The following HIGD1C variants were observed in gnomAD, a reference collection of about 807,000 sequenced individuals.
HIGD1C encodes HIG1 hypoxia inducible domain family member 1C, also known as HIG1 domain family member 1C.
A neutral mutation model predicts 13.1 loss-of-function variants in HIGD1C; 11 were observed. That is an observed-to-expected ratio of 0.84 (90% CI 0.53 to 1.39). The LOEUF is 1.39. HIGD1C is among the 40% of genes most tolerant of loss of function. HIGD1C has a pLI of 0.00. For synonymous variants in HIGD1C, 36 were observed against 37.7 expected (o/e 0.95, Z 0.17); for missense variants, 110 against 112.0 (o/e 0.98, Z 0.08).
At chr12:50,945,946 T>C in the HIGD1C span, among the ~76,000 whole-genome samples, 4 of 152,030 alleles carry the variant, frequency 2.6e-5, no homozygotes, top group African/African-American at 4.8e-5. Flanking sequence ...AACCATCTGA[T>C]CTTTGACAAA....
At chr12:50,941,991 G>A in the HIGD1C span, among the ~76,000 whole-genome samples, 1 of 151,916 alleles carries the variant, frequency 6.6e-6, no homozygotes. Flanking sequence ...CAGGCTCAAG[G>A]GATGCTCCCA....
At chr12:50,960,867 A>T in intron 1 of HIGD1C, 101 bp from the exon 4 acceptor site, 4 of 954,958 alleles carry the variant, frequency 4.2e-6, no homozygotes, top group Non-Finnish European at 1.5e-6. Flanking sequence ...TTTTTTAGAG[A>T]TGGGGTCTTG....
chr12:50,947,486 C>A, the HIGD1C span, among the ~76,000 whole-genome samples: 1 of 152,112 alleles, frequency 6.6e-6, no homozygotes, highest in African/African-American at 2.4e-5. Flanking sequence ...AATCTCTCAA[C>A]CTGACTTGAT....
chr12:50,945,174 A>G, the HIGD1C span, among the ~76,000 whole-genome samples: 1 of 152,186 alleles, frequency 6.6e-6, no homozygotes, highest in African/African-American at 2.4e-5. Context: ...AAACTGGCAC[A>G]AGACAGGGAT....
chr12:50,947,286 G>A, the HIGD1C span, among the ~76,000 whole-genome samples: 1 of 152,152 alleles, frequency 6.6e-6, no homozygotes. Context: ...AACTTTTCAT[G>A]TGACAACTCT....
At chr12:50,970,533 CA>C, downstream of HIGD1C, 1 of 1,383,320 alleles carries the variant, frequency 7.2e-7, no homozygotes, top group East Asian at 2.5e-5. Flanking sequence ...GCAAGAAAGA[CA>C]AGAAGCTTCT....
At chr12:50,954,075 C>A in exon 1 of HIGD1C, 1 of 1,607,814 alleles carries the variant, frequency 6.2e-7, no homozygotes, top group African/African-American at 1.3e-5. Context: ...TCTAGAGACT[C>A]CCCCTTTGTC....
chr12:50,972,495 T>C (rs953303105), downstream of HIGD1C, among the ~76,000 whole-genome samples: 1 of 152,350 alleles, frequency 6.6e-6, no homozygotes, highest in Non-Finnish European at 1.5e-5. Context: ...CTTGTAGCCA[T>C]TGCCATGTTC....
exon 1 of HIGD1C, chr12:50,953,944 A>T: frequency 9.4e-7 from 1 of 1,063,488 alleles, no homozygotes; most frequent in East Asian, 2.4e-5. Context: ...AAAACAAATT[A>T]TTTTTAATGA....
chr12:50,951,636 C>T (rs528427060), upstream of HIGD1C, among the ~76,000 whole-genome samples: 2 of 152,000 alleles, frequency 1.3e-5, no homozygotes, highest in East Asian at 3.9e-4. Flanking sequence ...ACATCAAGGT[C>T]GGCTGGGCGC....
At chr12:50,937,930 G>T in the HIGD1C span, among the ~76,000 whole-genome samples, 1 of 152,152 alleles carries the variant, frequency 6.6e-6, no homozygotes, top group East Asian at 1.9e-4. Flanking sequence ...CCATGCATGG[G>T]CCTGGGAAAA....
intron 2 of HIGD1C, among the ~76,000 whole-genome samples, chr12:50,964,100 T>C (rs1939450179): frequency 6.6e-6 from 1 of 152,142 alleles, no homozygotes; most frequent in South Asian, 2.1e-4. Context: ...TTGAATCCTA[T>C]TAACACTTCT....
upstream of HIGD1C, among the ~76,000 whole-genome samples, chr12:50,950,930 T>C (rs769195042): frequency 2.2e-4 from 34 of 151,908 alleles, no homozygotes; most frequent in Non-Finnish European, 4.4e-4. Context: ...TCCACCTGCC[T>C]TGCTTGGCTT....
At chr12:50,959,609 AT>A (rs1486991290) in intron 1 of HIGD1C, among the ~76,000 whole-genome samples, 1 of 152,062 alleles carries the variant, frequency 6.6e-6, no homozygotes, top group African/African-American at 2.4e-5. Flanking sequence ...TTATTAAATT[AT>A]TCCAGTATCT....
the HIGD1C span, among the ~76,000 whole-genome samples, chr12:50,937,014 A>G: frequency 6.6e-6 from 1 of 152,258 alleles, no homozygotes; most frequent in Non-Finnish European, 1.5e-5. Context: ...GTATGATTTC[A>G]CACCAGCAAT....
At chr12:50,951,458 T>C (rs1223045305), upstream of HIGD1C, among the ~76,000 whole-genome samples, 4 of 152,210 alleles carry the variant, frequency 2.6e-5, no homozygotes, top group Non-Finnish European at 5.9e-5. Flanking sequence ...CACCAGGCAA[T>C]TCAACTTTCT....
chr12:50,945,759 G>A, the HIGD1C span, among the ~76,000 whole-genome samples: 273 of 152,268 alleles, frequency 1.8e-3, 10 homozygotes, highest in East Asian at 0.049. Flanking sequence ...CCATAAAAGA[G>A]CCCACATTGC....
At chr12:50,935,334 CAG>C in the HIGD1C span, 1 of 152,186 alleles carries the variant, frequency 6.6e-6, no homozygotes. Context: ...AGAAACGGAG[CAG>C]AGGTCACCTG....
At chr12:50,939,709 G>A in the HIGD1C span, among the ~76,000 whole-genome samples, 1 of 152,140 alleles carries the variant, frequency 6.6e-6, no homozygotes, top group Non-Finnish European at 1.5e-5. Flanking sequence ...GGATTCTTAT[G>A]AGGATGAAAT....
Sources: gnomAD v4.1 joint callset for allele counts (sites outside exome capture counted in the v4.1 genomes callset) on GRCh38, gnomAD v4.1.1 for gene constraint, MANE v1.5 for transcripts, NCBI Gene and HGNC (gene_info 2026-07-23, HGNC 2026-07-21) for gene names.